The following SCG5 variants were observed in gnomAD, a reference collection of about 807,000 sequenced individuals.
The protein encoded by SCG5 is secretogranin V.
A neutral mutation model predicts 25.7 loss-of-function variants in SCG5; 18 were observed. The ratio of observed to expected loss-of-function variants is 0.70; its 90% confidence interval spans 0.48 to 1.04. SCG5 has a LOEUF of 1.04. Among genes scored for constraint, SCG5 ranks in the 50% least tolerant of loss-of-function variants. The pLI, the probability that SCG5 is intolerant of heterozygous loss-of-function variation, is 0.00. For missense variants in SCG5, 206 were observed against 259.8 expected, an observed-to-expected ratio of 0.79 and a Z score of 1.42; for synonymous variants, 101 against 91.7, an observed-to-expected ratio of 1.10 and a Z score of -0.58.
At chr15:32,663,101 C>T (rs1306217582) in intron 2 of SCG5, among the ~76,000 whole-genome samples, 2 of 132,060 alleles carry the variant, frequency 1.5e-5, no homozygotes, top group Non-Finnish European at 1.6e-5. Flanking sequence ...GTTATATATA[C>T]ACATATGTAT....
At chr15:32,672,624 A>T (rs2054450584) in intron 2 of SCG5, among the ~76,000 whole-genome samples, 1 of 128,892 alleles carries the variant, frequency 7.8e-6, no homozygotes, top group African/African-American at 2.5e-5. Flanking sequence ...CATTCTACTA[A>T]CTGTGGCTGT....
chr15:32,660,455 C>T (rs915886750), intron 2 of SCG5, among the ~76,000 whole-genome samples: 1 of 152,200 alleles, frequency 6.6e-6, no homozygotes, highest in Non-Finnish European at 1.5e-5. Context: ...GACCATCAGC[C>T]TCTCTCCAGT....
At chr15:32,688,735 G>A (rs554568892) in intron 4 of SCG5, among the ~76,000 whole-genome samples, 110 of 152,178 alleles carry the variant, frequency 7.2e-4, no homozygotes, top group African/African-American at 2.6e-3. Context: ...GAGGCAGGCG[G>A]ATCATGAGGT....
intron 2 of SCG5, among the ~76,000 whole-genome samples, chr15:32,652,147 A>G (rs1370834536): frequency 6.6e-6 from 1 of 152,210 alleles, no homozygotes; most frequent in Non-Finnish European, 1.5e-5. Context: ...TGTCAGGATC[A>G]GCAGAGAGGT....
chr15:32,678,257 A>T (rs1352082332), intron 2 of SCG5, among the ~76,000 whole-genome samples: 1 of 152,384 alleles, frequency 6.6e-6, no homozygotes, highest in East Asian at 1.9e-4. Context: ...TATAATAGTA[A>T]CCAGAATTCA....
intron 2 of SCG5, among the ~76,000 whole-genome samples, chr15:32,671,837 T>C (rs2054430592): frequency 6.6e-6 from 1 of 152,136 alleles, no homozygotes; most frequent in African/African-American, 2.4e-5. Context: ...GGCTGTTCTG[T>C]GGCCTCCAGA....
chr15:32,657,468 G>T (rs1004102048), intron 2 of SCG5, among the ~76,000 whole-genome samples: 7 of 151,620 alleles, frequency 4.6e-5, no homozygotes, highest in African/African-American at 1.5e-4. Context: ...ACTGAAATTT[G>T]CTCTGTTCCA....
Position 32,648,405 on chromosome 15 carries a change from C to A in SCG5, c.226+4587C>A, listed in dbSNP as rs146329827. ...TTTCGATTGTTCTTCACAGGAAGAA[C>A]AGGAGTTAAACTTTTTTCAGGAGTT... is the stretch of plus-strand genomic sequence containing the variant. On this transcript the variant is annotated intron_variant, in intron 2 of 5. Transcript: ENST00000300175. Among the ~76,000 whole-genome samples the A allele has an allele frequency of 2.7e-4, 41 of 152,216 alleles. 2 individuals carry two copies. The highest frequency in any genetic ancestry group is 8.9e-4 in the African/African-American group (37 of 41,520).
intron 5 of SCG5, among the ~76,000 whole-genome samples, chr15:32,696,045 T>C (rs2054953063): frequency 1.3e-5 from 2 of 152,154 alleles, no homozygotes; most frequent in South Asian, 4.1e-4. Context: ...CTGGAGTAAT[T>C]GTTTGGTAGT....
intron 5 of SCG5, among the ~76,000 whole-genome samples, chr15:32,696,036 T>G (rs991927986): frequency 2.0e-5 from 3 of 152,240 alleles, no homozygotes; most frequent in African/African-American, 7.2e-5. Context: ...ATTAGTACAC[T>G]GGAGTAATTG....
intron 5 of SCG5, among the ~76,000 whole-genome samples, chr15:32,696,137 A>G (rs1435975173): frequency 1.3e-5 from 2 of 150,098 alleles, no homozygotes; most frequent in South Asian, 4.2e-4. Context: ...TTTTTTTTTG[A>G]GACAAAATCT....
chr15:32,689,764 T>C (rs2054808687), intron 4 of SCG5, among the ~76,000 whole-genome samples: 1 of 152,146 alleles, frequency 6.6e-6, no homozygotes, highest in Non-Finnish European at 1.5e-5. Context: ...AGCATTATCC[T>C]GCTAATCCTA....
At chr15:32,660,297 G>A (rs942478518) in intron 2 of SCG5, among the ~76,000 whole-genome samples, 1 of 152,162 alleles carries the variant, frequency 6.6e-6, no homozygotes, top group Non-Finnish European at 1.5e-5. Context: ...TGACTCTGAC[G>A]AGAGAGTTAT....
At chr15:32,665,662 T>G (rs921028803) in intron 2 of SCG5, 1 of 152,206 alleles carries the variant, frequency 6.6e-6, no homozygotes, top group Non-Finnish European at 1.5e-5. Flanking sequence ...CATTTTGTTT[T>G]TCGTGGCAGT....
In SCG5 at chr15:32,696,412, C is replaced by A. The variant is rs1010373184; in HGVS notation, c.544-102C>A. 1.7e-5 allele frequency: 14 copies of A among 837,600 alleles called. No individual in the cohort carries two copies. In the African/African-American group the frequency reaches 2.2e-4, roughly 13 times the overall value. 51.9% of individuals were successfully genotyped at this position (837,600 alleles called of 1,614,324 possible). A position where few individuals can be genotyped will look rare whatever the true frequency, so the allele number is the denominator to read the frequency against. ...GATTACAGGCGTGAGCCACCGCGCC[C>A]GGCCCCAGAAACGATTCTTGTTCAT... On this transcript the variant is annotated intron_variant, in intron 5 of 5. Transcript: ENST00000300175.
chr15:32,644,060 A>T (rs945788284), intron 2 of SCG5, among the ~76,000 whole-genome samples: 18 of 152,358 alleles, frequency 1.2e-4, no homozygotes, highest in East Asian at 3.9e-4. Flanking sequence ...CAGGGACCTT[A>T]TCTATCTAAT....
intron 4 of SCG5, among the ~76,000 whole-genome samples, chr15:32,686,807 G>A (rs2054720732): frequency 6.6e-6 from 1 of 152,216 alleles, no homozygotes; most frequent in Admixed American, 6.5e-5. Flanking sequence ...AGAGCTTATA[G>A]TCCCACGGTT....
chr15:32,651,046 A>C (rs922234200), intron 2 of SCG5, among the ~76,000 whole-genome samples: 1 of 152,132 alleles, frequency 6.6e-6, no homozygotes, highest in African/African-American at 2.4e-5. Flanking sequence ...AAAAATACAA[A>C]AAATTAGCTG....
chr15:32,691,162 CA>C (rs934423551), intron 4 of SCG5, among the ~76,000 whole-genome samples: 167 of 152,216 alleles, frequency 1.1e-3, no homozygotes, highest in African/African-American at 3.9e-3. Context: ...AGTTTTTTGG[CA>C]GTTTTTAAAA....
Sources: gnomAD v4.1 joint callset for allele counts (sites outside exome capture counted in the v4.1 genomes callset) on GRCh38, gnomAD v4.1.1 for gene constraint, MANE v1.5 for transcripts, NCBI Gene and HGNC (gene_info 2026-07-23, HGNC 2026-07-21) for gene names.